The following CHRND variants were observed in gnomAD, a reference collection of about 807,000 sequenced individuals.
CHRND encodes acetylcholine receptor subunit delta.
Under a neutral mutation model 57.8 loss-of-function variants are expected in CHRND, and 40 were observed. That is an observed-to-expected ratio of 0.69 (90% CI 0.54 to 0.90). The LOEUF is 0.90. Among genes scored for constraint, CHRND ranks in the 40% least tolerant of loss-of-function variants. The probability of loss-of-function intolerance (pLI) is 0.00; values close to 1 mark genes in which losing one functional copy is unlikely to be tolerated. For missense variants in CHRND, 634 were observed against 673.9 expected (o/e 0.94, Z 0.66); for synonymous variants, 237 against 270.6 (o/e 0.88, Z 1.22).
At position 232,528,982 on chromosome 2, in the gene CHRND, C is replaced by T. The variant is rs1303784534; in HGVS notation, c.619+11C>T. ...CTGAAGGCTTCACAGGTGCTGGGAA[C>T]AGCCGCCAGTGGGTGGGCAGGTCCC... is the stretch of plus-strand genomic sequence containing the variant. On this transcript the variant is annotated intron_variant, in intron 6 of 11. Transcript: ENST00000258385. 8.1e-6 allele frequency: 13 copies of T among 1,607,530 alleles called. No individual in the cohort carries two copies. Among genetic ancestry groups the T allele is most frequent in the African/African-American group, 1.3e-5 (1 of 74,764 alleles).
chr2:232,526,516 T>C lies in CHRND; in HGVS notation c.53-13T>C. ...CAGGGCCCCATTCAGTCCTTGTCGC[T>C]GACCCTCCCCAGGCAGCTGGGGGCT... On this transcript the variant is annotated splice_polypyrimidine_tract_variant and intron_variant, in intron 1 of 11. Transcript: ENST00000258385. 1.2e-6 allele frequency: 2 copies of C among 1,613,506 alleles called. No homozygotes were observed. The highest frequency in any genetic ancestry group is 1.1e-5 in the South Asian group (1 of 91,078).
At chr2:232,534,450 A>T in intron 11 of CHRND, 108 bp downstream of exon 11, 1 of 1,111,396 alleles carries the variant, frequency 9.0e-7, no homozygotes, top group African/African-American at 1.5e-5. Context: ...ACCAACTTAG[A>T]TGAGGGAGTT....
chr2:232,535,228 G>A lies in CHRND; in HGVS notation c.1470G>A (p.Leu490=). 1.2e-6 allele frequency: 2 copies of A among 1,614,220 alleles called. No individual in the cohort carries two copies. The highest frequency in any genetic ancestry group is 1.7e-6 in the Non-Finnish European group (2 of 1,180,040). Residue 490 remains leucine, a synonymous_variant, in exon 12 of 12, where the codon CTG becomes CTA. Transcript: ENST00000258385. The stretch of plus-strand genomic sequence containing the variant: ...TGGTGGGCACAGCCTGGATCTTCCT[G>A]CAGGGCGTTTACAACCAGCCACCAC... ...VMVVGTAWIF[L]QGVYNQPPPQ...
chr2:232,534,203 A>G (rs1344514270), intron 10 of CHRND, 21 bp from the exon 11 acceptor site: 2 of 1,613,846 alleles, frequency 1.2e-6, no homozygotes, highest in Non-Finnish European at 1.7e-6. Context: ...CCTCACACCC[A>G]CTCTGGCCCC....
Position 232,527,300 on chromosome 2 carries a change from T to TG in CHRND, c.199-99dup, listed in dbSNP as rs796329571. On this transcript the variant is annotated intron_variant, in intron 2 of 11. Transcript: ENST00000258385. ...CATCCTGGGCAATTGAGCAAGACCC[T>TG]GGAAAAAAAAAGAGAGAGAGAGAGA... 5.8e-4 allele frequency: 612 copies of TG among 1,062,120 alleles called. 3 individuals are homozygous for TG. The African/African-American group carries it at 7.9e-3, about 14-fold the overall frequency. 65.8% of individuals were successfully genotyped at this position (1,062,120 alleles called of 1,614,324 possible). A position where few individuals can be genotyped will look rare whatever the true frequency, so the allele number is the denominator to read the frequency against.
At chr2:232,529,085 A>C in intron 6 of CHRND, 114 bp downstream of exon 6, 2 of 753,006 alleles carry the variant, frequency 2.7e-6, no homozygotes, top group South Asian at 2.9e-5. Flanking sequence ...TAGGACACCA[A>C]TACACAGCTC....
intron 3 of CHRND, 143 bp downstream of exon 3, chr2:232,527,588 C>CA (rs1691528840): frequency 4.4e-6 from 3 of 684,420 alleles, no homozygotes; most frequent in Admixed American, 4.5e-5. Flanking sequence ...ACTAAAAATA[C>CA]AAAAAATTAG....
At chr2:232,533,022 T>TC (rs1691763480) in intron 9 of CHRND, among the ~76,000 whole-genome samples, 1 of 152,062 alleles carries the variant, frequency 6.6e-6, no homozygotes, top group South Asian at 2.1e-4. Flanking sequence ...GTTTAGCAAC[T>TC]CTTTTTTTTC....
At position 232,528,311 on chromosome 2, in the gene CHRND, T is replaced by G. The variant is rs746078740; in HGVS notation, c.293T>G (p.Ile98Ser). ...TGGAATGCTGAAGAATTTGGAAACA[T>G]CAGTGTCCTGCGCCTCCCCCCGGAC... The part of the protein sequence containing the change: ...LKWNAEEFGN[I>S]SVLRLPPDMV... Residue 98 changes from isoleucine (I) to serine (S), a missense_variant, in exon 4 of 12, where the codon ATC (isoleucine) becomes AGC (serine). Physicochemically the swap from Ile to Ser is moderately radical, Grantham distance 142. Transcript: ENST00000258385. 6.2e-7 allele frequency: 1 copy of G among 1,614,126 alleles called. No homozygotes were observed. Among genetic ancestry groups the G allele is most frequent in the Non-Finnish European group, 8.5e-7 (1 of 1,180,024 alleles).
Position 232,535,199 on chromosome 2 carries a change from A to G in CHRND, c.1441A>G (p.Met481Val). 1 of 1,614,198 alleles carries G rather than the reference A, an allele frequency of 6.2e-7. No individual in the cohort carries two copies. The highest frequency in any genetic ancestry group is 8.5e-7 in the Non-Finnish European group (1 of 1,180,024). Reference sequence around the variant, plus strand: ...CTGCCTGTTTGTGGTGACGCCTGTCATGGTGGTGGGCACAGCCTGGATCTT... The same window carrying G: ...CTGCCTGTTTGTGGTGACGCCTGTCGTGGTGGTGGGCACAGCCTGGATCTT... Reference protein sequence around the residue: ...RLCLFVVTPVMVVGTAWIFLQ... With the variant: ...RLCLFVVTPVVVVGTAWIFLQ... Residue 481 changes from methionine to valine, a missense_variant, in exon 12 of 12, where the codon ATG (methionine) becomes GTG (valine). Transcript: ENST00000258385.
At chr2:232,528,808 T>A in intron 5 of CHRND, 54 bp from the exon 6 acceptor site, 1 of 1,579,520 alleles carries the variant, frequency 6.3e-7, no homozygotes, top group Non-Finnish European at 8.7e-7. Context: ...CCTTCCCCAC[T>A]CTGTGGCCCC....
intron 9 of CHRND, among the ~76,000 whole-genome samples, chr2:232,532,675 G>C (rs1323749065): frequency 6.6e-6 from 1 of 152,112 alleles, no homozygotes; most frequent in East Asian, 1.9e-4. Context: ...CATGCTGCAG[G>C]CCTCACTTTG....
intron 9 of CHRND, among the ~76,000 whole-genome samples, chr2:232,532,447 G>A (rs1242796395): frequency 1.5e-5 from 2 of 132,450 alleles, no homozygotes; most frequent in African/African-American, 2.9e-5. Context: ...CAGCCTGGGC[G>A]ACAAGAGACA....
Position 232,528,351 on chromosome 2 carries a change from A to G in CHRND, c.333A>G (p.Pro111=). 1 of 1,613,990 alleles carries G rather than the reference A, an allele frequency of 6.2e-7. No individual in the cohort carries two copies. Among genetic ancestry groups the G allele is most frequent in the Non-Finnish European group, 8.5e-7 (1 of 1,179,996 alleles). The change falls in exon 4 of 12, where the codon CCA becomes CCG. Residue 111 remains proline, a synonymous_variant. Coordinates refer to ENST00000258385, the MANE Select transcript of CHRND (RefSeq NM_000751.3). Reference sequence around the variant, plus strand: ...TCCCCCCGGACATGGTGTGGCTCCCAGAGATTGTGCTGGAGAACAAGTTGA... The same window carrying G: ...TCCCCCCGGACATGGTGTGGCTCCCGGAGATTGTGCTGGAGAACAAGTTGA... ...LRLPPDMVWL[P]EIVLENNNDG...
intron 9 of CHRND, among the ~76,000 whole-genome samples, chr2:232,531,973 A>AAAT (rs1691720585): frequency 6.8e-6 from 1 of 146,322 alleles, no homozygotes; most frequent in African/African-American, 2.5e-5. Flanking sequence ...AAAAAAAAAA[A>AAAT]AGAAATGAGC....
chr2:232,531,097 A>G (rs1691673684), intron 7 of CHRND, among the ~76,000 whole-genome samples: 1 of 152,180 alleles, frequency 6.6e-6, no homozygotes, highest in South Asian at 2.1e-4. Context: ...CTCTGTCACC[A>G]CATTTAACAG....
In CHRND at chr2:232,528,495, C is replaced by T; in HGVS notation, c.354-6C>T. 6.2e-7 allele frequency: 1 copy of T among 1,614,086 alleles called. No homozygotes were observed. The highest frequency in any genetic ancestry group is 1.1e-5 in the South Asian group (1 of 91,070). On this transcript the variant is annotated splice_region_variant and splice_polypyrimidine_tract_variant and intron_variant, in intron 4 of 11. Transcript: ENST00000258385. ...GCTCACTATGGTTCTTGTCCCTGTC[C>T]CCCAGCAATGACGGCTCCTTCCAGA...
chr2:232,527,868 C>T (rs560878655), intron 3 of CHRND, among the ~76,000 whole-genome samples: 29 of 152,328 alleles, frequency 1.9e-4, no homozygotes, highest in African/African-American at 7.0e-4. Flanking sequence ...TTGGTGCCTC[C>T]CTACAGGGAA....
rs113930536 is a variant in CHRND, at chr2:232,527,310, A to AAAGAGAG, written c.199-90_199-89insAGAGAGA. On this transcript the variant is annotated intron_variant, in intron 2 of 11. Transcript: ENST00000258385. ...AATTGAGCAAGACCCTGGAAAAAAA[A>AAAGAGAG]AGAGAGAGAGAGAGAGAGAGAGAGT... The AAAGAGAG allele has an allele frequency of 6.1e-5, 56 of 914,252 alleles. No homozygotes were observed. In the African/African-American group the frequency reaches 6.2e-4, roughly 10 times the overall value. 56.6% of individuals were successfully genotyped at this position (914,252 alleles called of 1,614,324 possible). A position where few individuals can be genotyped will look rare whatever the true frequency, so the allele number is the denominator to read the frequency against.
Sources: allele counts gnomAD v4.1 joint callset (sites outside exome capture counted in the v4.1 genomes callset), GRCh38; gene constraint gnomAD v4.1.1; transcripts MANE v1.5; gene names NCBI Gene and HGNC (gene_info 2026-07-23, HGNC 2026-07-21).